Variants in ATF6 observed in about 807,000 individuals in gnomAD.
The protein encoded by ATF6 is cyclic AMP-dependent transcription factor ATF-6 alpha.
A neutral mutation model predicts 83.6 loss-of-function variants in ATF6; 53 were observed. The ratio of observed to expected loss-of-function variants is 0.63; its 90% CI spans 0.51 to 0.80. ATF6 has a LOEUF of 0.80. Among genes scored for constraint, ATF6 ranks in the 30% least tolerant of loss-of-function variants. ATF6 has a pLI of 0.00. For missense variants in ATF6, 744 were observed against 797.9 expected, an observed-to-expected ratio of 0.93 and a Z score of 0.81; for synonymous variants, 288 against 285.8, an observed-to-expected ratio of 1.01 and a Z score of -0.08.
At chr1:161,932,987 AAG>A (rs1443058556) in intron 15 of ATF6, among the ~76,000 whole-genome samples, 2 of 152,208 alleles carry the variant, frequency 1.3e-5, no homozygotes, top group African/African-American at 4.8e-5. Flanking sequence ...ATAGCAACAC[AAG>A]AGAGTGTCCA....
Position 161,863,210 on chromosome 1 carries a change from G to C in ATF6, c.1617G>C (p.Gly539=), listed in dbSNP as rs371307394. The C allele has an allele frequency of 2.6e-5, 41 of 1,597,256 alleles. No individual in the cohort carries two copies. The highest frequency in any genetic ancestry group is 6.7e-5 in the Admixed American group (4 of 59,382). Residue 539 remains glycine (G), a synonymous_variant, in exon 14 of 16, where the codon GGG becomes GGC. Transcript: ENST00000367942. ...ETTSSISRNS[G]SELQVYYASP... is the part of the protein sequence containing the mutation. ...TTTCTTACTTTAGCAGGAACTCAGGGAGTGAGCTACAAGTGTATTATGCTT... is the reference window on the plus strand; with the variant it reads ...TTTCTTACTTTAGCAGGAACTCAGGCAGTGAGCTACAAGTGTATTATGCTT...
chr1:161,909,387 G>C (rs529933240), intron 14 of ATF6, among the ~76,000 whole-genome samples: 1 of 152,100 alleles, frequency 6.6e-6, no homozygotes, highest in Non-Finnish European at 1.5e-5. Context: ...TGACCAGACC[G>C]TGTAGCCTTA....
At chr1:161,907,184 A>G (rs1304778482) in intron 14 of ATF6, among the ~76,000 whole-genome samples, 1 of 152,196 alleles carries the variant, frequency 6.6e-6, no homozygotes, top group African/African-American at 2.4e-5. Flanking sequence ...GCCTACTTCT[A>G]GTTGATGCTT....
rs1689147995 is a variant in ATF6, at chr1:161,963,613, G to T, written c.*4959G>T. 6.6e-6 allele frequency: 1 copy of T among 152,228 alleles called. No homozygotes were observed. Among genetic ancestry groups the T allele is most frequent in the South Asian group, 2.1e-4 (1 of 4,830 alleles). 9.4% of individuals were successfully genotyped at this position (152,228 alleles called of 1,614,324 possible). Reference sequence around the variant, plus strand: ...TTATGTTAATCCCAGCTAGAGATTAGTAGGTTGACTTTCACAGCAATTGTA... The same window carrying T: ...TTATGTTAATCCCAGCTAGAGATTATTAGGTTGACTTTCACAGCAATTGTA... On this transcript the variant is annotated 3_prime_UTR_variant, in exon 16 of 16. Transcript: ENST00000367942.
intron 1 of ATF6, among the ~76,000 whole-genome samples, chr1:161,768,053 C>G (rs1246372115): frequency 6.6e-6 from 1 of 152,154 alleles, no homozygotes; most frequent in Non-Finnish European, 1.5e-5. Context: ...CGAGGTTTCT[C>G]CATGTTGGTT....
intron 14 of ATF6, among the ~76,000 whole-genome samples, chr1:161,910,571 G>C (rs1290071483): frequency 6.6e-6 from 1 of 152,180 alleles, no homozygotes; most frequent in East Asian, 1.9e-4. Context: ...TCAGAATTAA[G>C]TCTGAGCCTG....
Position 161,770,397 on chromosome 1 carries a change from A to T in ATF6, c.82+3955A>T, listed in dbSNP as rs146792982. On this transcript the variant is annotated intron_variant, in intron 1 of 15. Transcript: ENST00000367942. ...AGACTGCGTGGTTTAAACAATGGAA[A>T]TTTATTTTCTCCCAGTTCTGGAGGT... 4.4e-3 allele frequency among the ~76,000 whole-genome samples: 664 copies of T among 152,308 alleles called. 5 individuals carry two copies. The highest frequency in any genetic ancestry group is 0.012 in the Admixed American group (183 of 15,304).
chr1:161,814,117 C>T (rs1349327939), intron 7 of ATF6, among the ~76,000 whole-genome samples: 1 of 152,156 alleles, frequency 6.6e-6, no homozygotes, highest in Non-Finnish European at 1.5e-5. Flanking sequence ...CTCCTGACCT[C>T]AGGTGATCCG....
chr1:161,864,897 G>A (rs2101840877), intron 14 of ATF6, among the ~76,000 whole-genome samples: 1 of 152,306 alleles, frequency 6.6e-6, no homozygotes, highest in Admixed American at 6.5e-5. Flanking sequence ...CTTTTAAGAA[G>A]ATTCAGTACT....
intron 9 of ATF6, among the ~76,000 whole-genome samples, chr1:161,838,482 A>G (rs1439942861): frequency 6.6e-6 from 1 of 152,142 alleles, no homozygotes; most frequent in Non-Finnish European, 1.5e-5. Context: ...GGGGTGGCTT[A>G]GGTTGGAGGA....
intron 15 of ATF6, among the ~76,000 whole-genome samples, chr1:161,921,564 AG>A (rs980062181): frequency 3.3e-5 from 5 of 152,170 alleles, no homozygotes; most frequent in African/African-American, 1.2e-4. Context: ...AGGAGAGAGA[AG>A]GAAAAGCTGA....
intron 4 of ATF6, among the ~76,000 whole-genome samples, chr1:161,786,215 C>T (rs1019609638): frequency 2.0e-5 from 3 of 152,130 alleles, no homozygotes; most frequent in Non-Finnish European, 2.9e-5. Flanking sequence ...GAACTTCTGA[C>T]CTCAGGTTAT....
intron 9 of ATF6, among the ~76,000 whole-genome samples, chr1:161,839,636 A>T (rs1466937949): frequency 2.0e-5 from 3 of 152,182 alleles, no homozygotes; most frequent in Non-Finnish European, 4.4e-5. Context: ...GCTTCACAAA[A>T]TTCCGGGATT....
intron 9 of ATF6, among the ~76,000 whole-genome samples, chr1:161,829,286 G>A (rs1432721923): frequency 3.6e-5 from 5 of 137,498 alleles, no homozygotes; most frequent in South Asian, 2.4e-4. Flanking sequence ...TGCAAGCTCC[G>A]CCTCCCGGGT....
intron 9 of ATF6, among the ~76,000 whole-genome samples, chr1:161,836,033 A>G (rs1418818650): frequency 1.3e-5 from 2 of 152,228 alleles, no homozygotes; most frequent in Non-Finnish European, 2.9e-5. Flanking sequence ...GAGGAAGGGT[A>G]AATCATGCTA....
chr1:161,907,989 A>G (rs933530101), intron 14 of ATF6, among the ~76,000 whole-genome samples: 1 of 152,230 alleles, frequency 6.6e-6, no homozygotes, highest in African/African-American at 2.4e-5. Context: ...CAAGGAGAGA[A>G]CATTTTAAAA....
chr1:161,872,985 A>T (rs1364636317), intron 14 of ATF6, among the ~76,000 whole-genome samples: 1 of 151,566 alleles, frequency 6.6e-6, no homozygotes, highest in Non-Finnish European at 1.5e-5. Context: ...TTTATGTTTT[A>T]TGCTTGACAG....
At position 161,860,345 on chromosome 1, in the gene ATF6, C is replaced by G. The variant is rs1199367799; in HGVS notation, c.1604+68C>G. 6.8e-6 allele frequency: 8 copies of G among 1,172,246 alleles called. No homozygotes were observed. The African/African-American group carries it at 9.3e-5, about 14-fold the overall frequency. The allele number at this position is 1,172,246 out of a possible 1,614,324, so 72.6% of individuals were successfully genotyped here. A position where few individuals can be genotyped will look rare whatever the true frequency, so the allele number is the denominator to read the frequency against. On this transcript the variant is annotated intron_variant, in intron 13 of 15. Coordinates refer to ENST00000367942, the MANE Select transcript of ATF6 (RefSeq NM_007348.4). ...CTGGTATTTTAAGAAAGTTGAAATT[C>G]ACACTTCCCTTTCACCTTAAATTTG...
intron 7 of ATF6, among the ~76,000 whole-genome samples, chr1:161,809,374 T>C (rs4657108): frequency 0.12 from 18,495 of 152,186 alleles, 1,674 homozygotes; most frequent in East Asian, 0.31. Flanking sequence ...GACATGAACT[T>C]ATCCTTTTTT....
Sources: allele counts gnomAD v4.1 joint callset (sites outside exome capture counted in the v4.1 genomes callset), GRCh38; gene constraint gnomAD v4.1.1; transcripts MANE v1.5; gene names NCBI Gene and HGNC (gene_info 2026-07-23, HGNC 2026-07-21).